PTDSS1: variants seen among roughly 807,000 people sequenced by gnomAD.
The protein encoded by PTDSS1 is phosphatidylserine synthase 1.
PTDSS1 carries 45 observed loss-of-function variants against 70.5 expected under a neutral mutation model. That is an observed-to-expected ratio of 0.64 (90% CI 0.50 to 0.82). The LOEUF is 0.82. PTDSS1 is among the 40% of genes least tolerant of loss of function. The probability of loss-of-function intolerance (pLI) is 0.00; values close to 1 mark genes in which losing one functional copy is unlikely to be tolerated. For missense variants in PTDSS1, 417 were observed against 586.1 expected (o/e 0.71, Z 2.98); for synonymous variants, 188 against 203.8 (o/e 0.92, Z 0.66).
chr8:96,278,369 A>G (rs1180149001), intron 2 of PTDSS1, among the ~76,000 whole-genome samples: 1 of 152,194 alleles, frequency 6.6e-6, no homozygotes, highest in Non-Finnish European at 1.5e-5. Flanking sequence ...ATGGCAGAGG[A>G]GTGGACACTC....
intron 4 of PTDSS1, among the ~76,000 whole-genome samples, chr8:96,290,052 A>G (rs1810880493): frequency 1.3e-5 from 2 of 152,198 alleles, no homozygotes; most frequent in Non-Finnish European, 2.9e-5. Flanking sequence ...TCGTGCATGC[A>G]TGCTAGATGT....
chr8:96,267,632 C>G (rs879741428), intron 1 of PTDSS1, among the ~76,000 whole-genome samples: 1 of 152,168 alleles, frequency 6.6e-6, no homozygotes, highest in Non-Finnish European at 1.5e-5. Flanking sequence ...TTCCATAAAA[C>G]GAAATTAGTA....
At chr8:96,295,282 C>T (rs1309519157) in intron 5 of PTDSS1, 26 bp downstream of exon 5, 1 of 1,599,628 alleles carries the variant, frequency 6.3e-7, no homozygotes, top group Non-Finnish European at 8.5e-7. Context: ...TTGGGGGTTC[C>T]CCAGACTGTG....
At chr8:96,285,189 C>A (rs910484194) in intron 3 of PTDSS1, among the ~76,000 whole-genome samples, 1 of 152,174 alleles carries the variant, frequency 6.6e-6, no homozygotes, top group Non-Finnish European at 1.5e-5. Flanking sequence ...GGGAGTGATG[C>A]CAAGTCTGAA....
In PTDSS1 at chr8:96,281,922, G is replaced by A. The variant is rs112998887; in HGVS notation, c.272-2187G>A. Among the ~76,000 whole-genome samples, 333 of 152,296 alleles carry A rather than the reference G, an allele frequency of 2.2e-3. 1 individual carries two copies. The highest frequency in any genetic ancestry group is 7.7e-3 in the African/African-American group (322 of 41,552). ...TTTGTCACTGAGTCCTTATGACACT[G>A]TGTGGGGGTGTCTCATTCCACAGCC... On this transcript the variant is annotated intron_variant, in intron 2 of 12. Transcript: ENST00000517309.
At chr8:96,319,440 C>T (rs1811343611) in intron 9 of PTDSS1, among the ~76,000 whole-genome samples, 1 of 151,666 alleles carries the variant, frequency 6.6e-6, no homozygotes, top group African/African-American at 2.4e-5. Flanking sequence ...AGATACAGAA[C>T]ACAAGAGTGA....
intron 9 of PTDSS1, 47 bp downstream of exon 9, chr8:96,309,669 A>G (rs1811179026): frequency 1.3e-6 from 2 of 1,592,408 alleles, no homozygotes; most frequent in East Asian, 4.5e-5. Flanking sequence ...TTAAGCCCTA[A>G]TTTTATTTGG....
In PTDSS1 at chr8:96,261,945, C is replaced by A. The variant is rs371987160; in HGVS notation, c.-96C>A. On this transcript the variant is annotated 5_prime_UTR_variant, in exon 1 of 13. Coordinates refer to ENST00000517309, the MANE Select transcript of PTDSS1 (RefSeq NM_014754.3). ...TGCTGGGCGCCAGACCCGGCTTTGC[C>A]GTCCGGCTATTAGCCTACTGTGGCT... 2 of 1,318,610 alleles carry A rather than the reference C, an allele frequency of 1.5e-6. No homozygotes were observed. Among genetic ancestry groups the A allele is most frequent in the Admixed American group, 2.3e-5 (1 of 42,712 alleles). The allele number at this position is 1,318,610 out of a possible 1,614,324, so 81.7% of individuals were successfully genotyped here.
chr8:96,324,195 C>G (rs986937110), intron 10 of PTDSS1, among the ~76,000 whole-genome samples: 6 of 152,166 alleles, frequency 3.9e-5, no homozygotes, highest in Non-Finnish European at 7.4e-5. Flanking sequence ...GCATTCTGGT[C>G]GGGAACGCTT....
chr8:96,276,980 GCACACACACACACACACACA>G (rs57116529), intron 2 of PTDSS1, among the ~76,000 whole-genome samples: 1 of 145,906 alleles, frequency 6.9e-6, no homozygotes, highest in Admixed American at 6.7e-5. Context: ...GCACGCGCGC[GCACACACACACACACACACA>G]CACACACACA....
At chr8:96,330,743 G>T in intron 11 of PTDSS1, 1 of 443,576 alleles carries the variant, frequency 2.3e-6, no homozygotes, top group Non-Finnish European at 4.1e-6. Flanking sequence ...CCGTCTGGTA[G>T]ACGGTAATAT....
At chr8:96,329,610 G>T (rs904212805) in intron 10 of PTDSS1, among the ~76,000 whole-genome samples, 5 of 152,122 alleles carry the variant, frequency 3.3e-5, no homozygotes, top group Non-Finnish European at 5.9e-5. Flanking sequence ...TCCACTCAGG[G>T]CCTTAAGAGC....
At chr8:96,314,603 G>A (rs1297253373) in intron 9 of PTDSS1, among the ~76,000 whole-genome samples, 3 of 151,866 alleles carry the variant, frequency 2.0e-5, no homozygotes, top group African/African-American at 4.8e-5. Flanking sequence ...AGCTCTGACA[G>A]TAGTTACATT....
intron 4 of PTDSS1, among the ~76,000 whole-genome samples, chr8:96,291,246 C>T (rs754933415): frequency 6.6e-6 from 1 of 151,970 alleles, no homozygotes; most frequent in Non-Finnish European, 1.5e-5. Context: ...CTATTGAACC[C>T]TAAGACAATT....
chr8:96,295,000 GTCAAGT>G, intron 4 of PTDSS1, 92 bp from the exon 5 acceptor site: 2 of 1,188,810 alleles, frequency 1.7e-6, no homozygotes, highest in South Asian at 3.5e-5. Context: ...CTTATTTGTT[GTCAAGT>G]TCATATCTAT....
At chr8:96,276,488 G>A (rs534746272) in intron 2 of PTDSS1, among the ~76,000 whole-genome samples, 3 of 152,110 alleles carry the variant, frequency 2.0e-5, no homozygotes, top group Non-Finnish European at 4.4e-5. Context: ...TTTGTGATAC[G>A]CACAAAGGGA....
At chr8:96,316,277 C>T (rs1421316333) in intron 9 of PTDSS1, among the ~76,000 whole-genome samples, 2 of 152,168 alleles carry the variant, frequency 1.3e-5, no homozygotes, top group Non-Finnish European at 2.9e-5. Flanking sequence ...CTCGAATGTT[C>T]ATCACCATGC....
chr8:96,302,309 G>A (rs1586198397), intron 6 of PTDSS1, among the ~76,000 whole-genome samples: 1 of 152,110 alleles, frequency 6.6e-6, no homozygotes, highest in East Asian at 1.9e-4. Flanking sequence ...TGGGATTACA[G>A]GTATGAGCCA....
intron 1 of PTDSS1, among the ~76,000 whole-genome samples, chr8:96,266,720 C>T (rs1333613069): frequency 6.6e-6 from 1 of 152,216 alleles, no homozygotes; most frequent in Admixed American, 6.5e-5. Context: ...TAAACCAGCC[C>T]TGGAGGTGAA....
Sources: allele counts gnomAD v4.1 joint callset (sites outside exome capture counted in the v4.1 genomes callset), GRCh38; gene constraint gnomAD v4.1.1; transcripts MANE v1.5; gene names NCBI Gene and HGNC (gene_info 2026-07-23, HGNC 2026-07-21).